Variants in FCER2 observed in about 807,000 individuals in gnomAD.
FCER2 encodes the protein Fc epsilon receptor II, also known as low affinity immunoglobulin epsilon Fc receptor.
FCER2 carries 38 observed loss-of-function variants against 49.7 expected under a neutral mutation model. The ratio of observed to expected loss-of-function variants is 0.76; its 90% confidence interval spans 0.59 to 1.00. FCER2 has a LOEUF of 1.00. Among genes scored for constraint, FCER2 ranks in the 50% least tolerant of loss-of-function variants. The pLI is 0.00. For synonymous variants in FCER2, 163 were observed against 164.6 expected, an observed-to-expected ratio of 0.99 and a Z score of 0.07; for missense variants, 425 against 419.5, an observed-to-expected ratio of 1.01 and a Z score of -0.11.
chr19:7,699,876 A>AT, intron 1 of FCER2, 31 bp from the exon 2 acceptor site: 1 of 999,932 alleles, frequency 1.0e-6, no homozygotes, highest in Non-Finnish European at 1.6e-6. Context: ...GGTTAGGGTG[A>AT]GCCATCAAAT....
At chr19:7,690,065 C>A in intron 10 of FCER2, 94 bp downstream of exon 10, 2 of 834,894 alleles carry the variant, frequency 2.4e-6, no homozygotes, top group East Asian at 2.5e-5. Flanking sequence ...TATCTCTGAG[C>A]CCTCATCCGC....
chr19:7,697,424 T>G, intron 5 of FCER2, 103 bp downstream of exon 5: 3 of 1,444,114 alleles, frequency 2.1e-6, no homozygotes, highest in Admixed American at 1.7e-5. Flanking sequence ...AGTTCCCGGG[T>G]GTCGGGGGTG....
chr19:7,696,176 T>C (rs1312253206), intron 8 of FCER2, among the ~76,000 whole-genome samples: 1 of 152,114 alleles, frequency 6.6e-6, no homozygotes, highest in Non-Finnish European at 1.5e-5. Context: ...CTTGGCTCAC[T>C]GCAACCTCCA....
intron 1 of FCER2, among the ~76,000 whole-genome samples, 174 bp downstream of exon 1, chr19:7,701,841 G>A (rs1348643739): frequency 1.3e-5 from 2 of 151,874 alleles, no homozygotes; most frequent in African/African-American, 4.8e-5. Flanking sequence ...CGAATGCCTC[G>A]AGATTCTGTC....
intron 8 of FCER2, among the ~76,000 whole-genome samples, chr19:7,696,159 G>T (rs1465079408): frequency 6.6e-6 from 1 of 151,968 alleles, no homozygotes; most frequent in Non-Finnish European, 1.5e-5. Flanking sequence ...GAGTGCAGTG[G>T]CGTGATCTTG....
intron 8 of FCER2, among the ~76,000 whole-genome samples, chr19:7,690,818 A>G (rs1251800071): frequency 1.3e-5 from 2 of 152,032 alleles, no homozygotes; most frequent in Non-Finnish European, 2.9e-5. Context: ...GACCATCAAC[A>G]CCTCAACTAC....
At chr19:7,697,768 TA>T (rs2033056815) in intron 4 of FCER2, among the ~76,000 whole-genome samples, 179 bp from the exon 5 acceptor site, 1 of 80,960 alleles carries the variant, frequency 1.2e-5, no homozygotes, top group Non-Finnish European at 2.4e-5. Flanking sequence ...TATAATGAAC[TA>T]CTGTGTACCT....
In FCER2 at chr19:7,698,273, A is replaced by G. The variant is rs374465966; in HGVS notation, c.190+83T>C. On this transcript the variant is annotated intron_variant, in intron 4 of 10. Coordinates refer to ENST00000597921, the MANE Select transcript of FCER2 (RefSeq NM_001220500.2). ...TGACCTTCAGTTCCTTAGCGAGGGG[A>G]CACTGAGGCCCAGAGAGGAGCGGGA... 103 of 970,606 alleles carry G rather than the reference A, an allele frequency of 1.1e-4. 1 individual carries two copies. In the African/African-American group the frequency reaches 1.5e-3, roughly 14 times the overall value. The allele number at this position is 970,606 out of a possible 1,614,324, so 60.1% of individuals were successfully genotyped here.
chr19:7,693,733 G>A (rs567583216), intron 8 of FCER2, among the ~76,000 whole-genome samples: 1 of 151,920 alleles, frequency 6.6e-6, no homozygotes, highest in South Asian at 2.1e-4. Flanking sequence ...ACTGCAACCT[G>A]CACCTCCCGG....
intron 8 of FCER2, among the ~76,000 whole-genome samples, chr19:7,694,401 C>G (rs544730787): frequency 6.6e-6 from 1 of 152,174 alleles, no homozygotes; most frequent in East Asian, 1.9e-4. Context: ...AACCCAAACC[C>G]CAAAACCAGG....
intron 8 of FCER2, among the ~76,000 whole-genome samples, chr19:7,693,524 A>G (rs1192307677): frequency 6.6e-6 from 1 of 151,910 alleles, no homozygotes; most frequent in Admixed American, 6.6e-5. Context: ...AGGCAGGAGG[A>G]TCGCTTGAGC....
intron 8 of FCER2, among the ~76,000 whole-genome samples, chr19:7,695,588 C>T (rs1367621636): frequency 6.6e-6 from 1 of 151,720 alleles, no homozygotes; most frequent in Non-Finnish European, 1.5e-5. Flanking sequence ...CCAGCCTGGG[C>T]AACATAGCGA....
chr19:7,695,918 CTCTTT>C (rs2091792443), intron 8 of FCER2, among the ~76,000 whole-genome samples: 2 of 124,142 alleles, frequency 1.6e-5, no homozygotes, highest in African/African-American at 3.4e-5. Flanking sequence ...CTCCATCTCT[CTCTTT>C]TTTTTTTTTT....
chr19:7,690,830 A>G (rs2277991), intron 8 of FCER2, among the ~76,000 whole-genome samples: 53,141 of 151,930 alleles, frequency 0.35, 10,417 homozygotes, highest in African/African-American at 0.53. Flanking sequence ...CTCAACTACC[A>G]TCAGCATCTC....
chr19:7,700,767 C>T (rs1247002720), intron 1 of FCER2, among the ~76,000 whole-genome samples: 1 of 151,982 alleles, frequency 6.6e-6, no homozygotes, highest in East Asian at 1.9e-4. Flanking sequence ...CCCGCCTCGG[C>T]CTCCCAAAGT....
At position 7,698,798 on chromosome 19, in the gene FCER2, G is replaced by A; in HGVS notation, c.79C>T (p.Leu27=). 4 of 1,612,702 alleles carry A rather than the reference G, an allele frequency of 2.5e-6. No homozygotes were observed. The highest frequency in any genetic ancestry group is 3.4e-6 in the Non-Finnish European group (4 of 1,179,492). The change falls in exon 3 of 11, where the codon CTG becomes TTG. Residue 27 remains leucine, a synonymous_variant. Transcript: ENST00000597921. ...CACAGAGCGGCGGTCACCAGCCCCAGCAGCACGATCTGAGTCCCACGCCTG... is the reference window on the plus strand; with the variant it reads ...CACAGAGCGGCGGTCACCAGCCCCAACAGCACGATCTGAGTCCCACGCCTG... ...CCRRGTQIVL[L]GLVTAALWAG...
chr19:7,690,586 G>T (rs74927160), intron 8 of FCER2, 29 bp from the exon 9 acceptor site: 470,035 of 1,603,036 alleles, frequency 0.29, 72,812 homozygotes, highest in African/African-American at 0.54. Flanking sequence ...TCGGGGGTGG[G>T]GCCAATGGAA....
chr19:7,689,983 C>G (rs774273662), intron 10 of FCER2, among the ~76,000 whole-genome samples, 176 bp downstream of exon 10: 19 of 152,214 alleles, frequency 1.2e-4, no homozygotes, highest in Non-Finnish European at 2.5e-4. Flanking sequence ...TCCCCTCCTC[C>G]AGGTCAGAGA....
At chr19:7,689,465 G>C (rs555861824) in intron 10 of FCER2, 35 bp from the exon 11 acceptor site, 104 of 1,389,272 alleles carry the variant, frequency 7.5e-5, no homozygotes, top group Admixed American at 7.9e-5. Flanking sequence ...GGGATGGGGC[G>C]GGGAGAAGGA....
Sources: gnomAD v4.1 joint callset for allele counts (sites outside exome capture counted in the v4.1 genomes callset) on GRCh38, gnomAD v4.1.1 for gene constraint, MANE v1.5 for transcripts, NCBI Gene and HGNC (gene_info 2026-07-23, HGNC 2026-07-21) for gene names.